Variants in NAA15 observed in about 807,000 individuals in gnomAD.
The protein encoded by NAA15 is N-terminal acetyltransferase.
A neutral mutation model predicts 114.0 loss-of-function variants in NAA15; 34 were observed. The observed-to-expected ratio is 0.30, with a 90% CI of 0.23 to 0.40. The LOEUF is 0.40. Among genes scored for constraint, NAA15 ranks in the 10% least tolerant of loss-of-function variants. The pLI, the probability that NAA15 is intolerant of heterozygous loss-of-function variation, is 1.00. For missense variants in NAA15, 658 were observed against 1,004.5 expected (o/e 0.66, Z 4.66); for synonymous variants, 340 against 338.0 (o/e 1.01, Z -0.06).
intron 1 of NAA15, among the ~76,000 whole-genome samples, chr4:139,309,921 C>G (rs1746160891): frequency 1.3e-5 from 2 of 152,010 alleles, no homozygotes; most frequent in Admixed American, 6.6e-5. Context: ...GGGGCTCAAA[C>G]TAGTTATTTG....
chr4:139,359,954 G>A (rs1748081279), intron 12 of NAA15, 59 bp downstream of exon 12: 5 of 1,429,660 alleles, frequency 3.5e-6, no homozygotes, highest in Non-Finnish European at 4.6e-6. Flanking sequence ...GTTCATACTT[G>A]TATAACATGC....
In NAA15 at chr4:139,370,371, A is replaced by G. The variant is rs1362629654; in HGVS notation, c.1914A>G (p.Pro638=). The change falls in exon 15 of 20, where the codon CCA becomes CCG. Residue 638 remains proline (P), a synonymous_variant. Coordinates refer to ENST00000296543, the MANE Select transcript of NAA15 (RefSeq NM_057175.5). ...ATGATGATGAGGAGATAGGAGGTCCAAAAGAAGAACTTATTCCAGAGAAAC... is the reference window on the plus strand; with the variant it reads ...ATGATGATGAGGAGATAGGAGGTCCGAAAGAAGAACTTATTCCAGAGAAAC... ...KDDDDEEIGG[P]KEELIPEKLA... The G allele has an allele frequency of 4.4e-6, 7 of 1,582,376 alleles. No individual in the cohort carries two copies. Among genetic ancestry groups the G allele is most frequent in the Non-Finnish European group, 6.0e-6 (7 of 1,171,648 alleles).
chr4:139,319,950 T>C (rs1169335856), intron 1 of NAA15, among the ~76,000 whole-genome samples: 1 of 152,224 alleles, frequency 6.6e-6, no homozygotes, highest in Admixed American at 6.5e-5. Flanking sequence ...ACTTTCCTGT[T>C]ATCTGTTATC....
chr4:139,386,446 CAT>C (rs1002038069), intron 19 of NAA15: 3 of 364,002 alleles, frequency 8.2e-6, no homozygotes, highest in Non-Finnish European at 1.5e-5. Flanking sequence ...TTAATAAAAT[CAT>C]ATACATTCCA....
At chr4:139,315,001 T>TTCAGTTCAGGTGAGGTTAGGTTAGG (rs1181192026) in intron 1 of NAA15, among the ~76,000 whole-genome samples, 1 of 74,352 alleles carries the variant, frequency 1.3e-5, no homozygotes, top group Non-Finnish European at 2.5e-5. Context: ...TTCAGTTCAG[T>TTCAGTTCAGGTGAGGTTAGGTTAGG]TTAGTTTAGG....
chr4:139,309,567 G>T (rs1180591010), intron 1 of NAA15, among the ~76,000 whole-genome samples: 1 of 151,878 alleles, frequency 6.6e-6, no homozygotes, highest in Non-Finnish European at 1.5e-5. Context: ...ATGCTACTGC[G>T]CCTGGCCTGT....
chr4:139,383,052 G>A (rs1045618317), intron 17 of NAA15, among the ~76,000 whole-genome samples: 2 of 152,092 alleles, frequency 1.3e-5, no homozygotes, highest in Non-Finnish European at 2.9e-5. Context: ...CATAAGTTAT[G>A]GATATGGAAT....
intron 17 of NAA15, among the ~76,000 whole-genome samples, chr4:139,381,171 A>T (rs1560982401): frequency 6.6e-6 from 1 of 152,176 alleles, no homozygotes; most frequent in Non-Finnish European, 1.5e-5. Flanking sequence ...TGCTGCATGC[A>T]GTTATTTACC....
chr4:139,382,453 C>T (rs1748780030), intron 17 of NAA15, among the ~76,000 whole-genome samples: 1 of 151,788 alleles, frequency 6.6e-6, no homozygotes, highest in Non-Finnish European at 1.5e-5. Context: ...CCATAAAAAC[C>T]CCTTGCCTAC....
At chr4:139,337,692 A>C (rs1042434208) in intron 3 of NAA15, among the ~76,000 whole-genome samples, 5 of 152,214 alleles carry the variant, frequency 3.3e-5, no homozygotes, top group Non-Finnish European at 7.3e-5. Flanking sequence ...GGGCTGACAC[A>C]ATTTTAAGTG....
chr4:139,301,750 G>C lies in NAA15; in HGVS notation c.-28G>C, dbSNP rs2110800139. 1 of 1,557,568 alleles carries C rather than the reference G, an allele frequency of 6.4e-7. No individual in the cohort carries two copies. Among genetic ancestry groups the C allele is most frequent in the Non-Finnish European group, 8.7e-7 (1 of 1,149,690 alleles). On this transcript the variant is annotated 5_prime_UTR_variant, in exon 1 of 20. Coordinates refer to ENST00000296543, the MANE Select transcript of NAA15 (RefSeq NM_057175.5). Reference sequence around the variant, plus strand: ...AAACTGACTGACCGAGCCGGGTGGTGGCGGGAGCAGCGGGAGCAGCCGGAA... The same window carrying C: ...AAACTGACTGACCGAGCCGGGTGGTCGCGGGAGCAGCGGGAGCAGCCGGAA...
At chr4:139,337,081 C>G (rs1019117850) in intron 3 of NAA15, 129 bp downstream of exon 3, 3 of 447,240 alleles carry the variant, frequency 6.7e-6, no homozygotes, top group Non-Finnish European at 1.2e-5. Context: ...AATAGGGTAA[C>G]AGCAACTGCC....
At chr4:139,323,053 C>CTTTTTTT (rs67137305) in intron 1 of NAA15, among the ~76,000 whole-genome samples, 2 of 117,484 alleles carry the variant, frequency 1.7e-5, no homozygotes, top group Non-Finnish European at 3.5e-5. Context: ...CTTTTCTTTT[C>CTTTTTTT]TTTTTTTTTT....
chr4:139,343,728 T>A (rs1203363767), intron 5 of NAA15, among the ~76,000 whole-genome samples: 6 of 152,248 alleles, frequency 3.9e-5, no homozygotes, highest in Non-Finnish European at 8.8e-5. Flanking sequence ...GTATTTGCAG[T>A]TGTAAACGTA....
rs1433159253 is a variant in NAA15, at chr4:139,376,476, A to G, written c.2056+3A>G. 1 of 1,567,320 alleles carries G rather than the reference A, an allele frequency of 6.4e-7. No homozygotes were observed. Among genetic ancestry groups the G allele is most frequent in the Non-Finnish European group, 8.8e-7 (1 of 1,137,794 alleles). On this transcript the variant is annotated splice_donor_region_variant and intron_variant, in intron 16 of 19. Transcript: ENST00000296543. ...CTTTGAGATTTACTTTAGGAAAGGT[A>G]GGCAATTAGGGTACAGTGGCCCTGA... is the stretch of plus-strand genomic sequence containing the variant.
chr4:139,320,673 A>G (rs1746568175), intron 1 of NAA15, among the ~76,000 whole-genome samples: 2 of 152,108 alleles, frequency 1.3e-5, no homozygotes, highest in South Asian at 2.1e-4. Flanking sequence ...GGCGCATGCC[A>G]CCACGCCTGG....
chr4:139,315,428 G>A (rs139710667), intron 1 of NAA15, among the ~76,000 whole-genome samples: 1,654 of 151,882 alleles, frequency 0.011, 26 homozygotes, highest in Non-Finnish European at 0.015. Flanking sequence ...CTGAGGTGGG[G>A]GATTGCTTGA....
Position 139,388,663 on chromosome 4 carries a change from A to G in NAA15, c.*579A>G, listed in dbSNP as rs139277119. On this transcript the variant is annotated 3_prime_UTR_variant, in exon 20 of 20. Transcript: ENST00000296543. The stretch of plus-strand genomic sequence containing the variant: ...GGACATATAGATACCAAGCAAAATT[A>G]TAAGAAACCTATAAGGTGTTCAATA... 3.4e-3 allele frequency: 525 copies of G among 153,146 alleles called. 3 individuals are homozygous for G. The highest frequency in any genetic ancestry group is 6.5e-3 in the Non-Finnish European group (443 of 68,454). 9.5% of individuals were successfully genotyped at this position (153,146 alleles called of 1,614,324 possible). A position where few individuals can be genotyped will look rare whatever the true frequency, so the allele number is the denominator to read the frequency against.
intron 11 of NAA15, among the ~76,000 whole-genome samples, chr4:139,359,369 C>T (rs1748064168): frequency 6.6e-6 from 1 of 152,074 alleles, no homozygotes. Flanking sequence ...CTCAGTGATC[C>T]ACCCGGCTCG....
Sources: allele counts gnomAD v4.1 joint callset (sites outside exome capture counted in the v4.1 genomes callset), GRCh38; gene constraint gnomAD v4.1.1; transcripts MANE v1.5; gene names NCBI Gene and HGNC (gene_info 2026-07-23, HGNC 2026-07-21).